The following PPIL2 variants were observed in gnomAD, a reference collection of about 807,000 sequenced individuals.
PPIL2 encodes the protein peptidylprolyl isomerase like 2.
PPIL2 carries 50 observed loss-of-function variants against 75.2 expected under a neutral mutation model. That is an observed-to-expected ratio of 0.66 (90% CI 0.53 to 0.84). The LOEUF is 0.84. Ranked by LOEUF, PPIL2 falls within the 40% of genes least tolerant of loss-of-function variation. The pLI, the probability that PPIL2 is intolerant of heterozygous loss-of-function variation, is 0.00. For missense variants in PPIL2, 590 were observed against 685.0 expected, an observed-to-expected ratio of 0.86 and a Z score of 1.55; for synonymous variants, 245 against 258.8, an observed-to-expected ratio of 0.95 and a Z score of 0.51.
chr22:21,687,096 G>C lies in PPIL2; in HGVS notation c.897+98G>C. On this transcript the variant is annotated intron_variant, in intron 12 of 19. Coordinates refer to ENST00000398831, the MANE Select transcript of PPIL2 (RefSeq NM_014337.4). ...ATAGGGCTGCCACTGGTATGTGCTT[G>C]TTGTAGGAAATTCAGCCTGTCACTA... is the stretch of plus-strand genomic sequence containing the variant. 4.2e-6 allele frequency: 5 copies of C among 1,183,566 alleles called. No individual in the cohort carries two copies. The South Asian group carries it at 6.2e-5, about 15-fold the overall frequency. The allele number at this position is 1,183,566 out of a possible 1,614,324, so 73.3% of individuals were successfully genotyped here. A position where few individuals can be genotyped will look rare whatever the true frequency, so the allele number is the denominator to read the frequency against.
chr22:21,684,321 G>A (rs575341886), intron 9 of PPIL2, among the ~76,000 whole-genome samples: 10 of 37,578 alleles, frequency 2.7e-4, no homozygotes, highest in African/African-American at 6.1e-4. Flanking sequence ...GCGTGGTGGC[G>A]GGCGCCTGTA....
chr22:21,682,384 C>T (rs536944917), intron 7 of PPIL2, 53 bp from the exon 8 acceptor site: 156 of 1,507,320 alleles, frequency 1.0e-4, no homozygotes, highest in Admixed American at 4.2e-4. Context: ...CTTGCAGTCC[C>T]CTGTGCCAAG....
rs370451201 is a variant in PPIL2, at chr22:21,687,657, C to T, written c.912C>T (p.Cys304=). ...CTATGTTGCAGACACCAAAAACCTG[C>T]GAAAACTTCATCAGGCTTTGCAAGA... ...ELHCDLTPKT[C]ENFIRLCKKH... Residue 304 remains cysteine (C), a synonymous_variant, in exon 13 of 20, where the codon TGC becomes TGT. Transcript: ENST00000398831. 4.4e-5 allele frequency: 70 copies of T among 1,608,802 alleles called. 1 individual carries two copies. The highest frequency in any genetic ancestry group is 3.3e-4 in the Middle Eastern group (2 of 6,056).
In PPIL2 at chr22:21,666,091, C is replaced by A. The variant is rs1438155920; in HGVS notation, c.-9C>A. 1 of 1,613,036 alleles carries A rather than the reference C, an allele frequency of 6.2e-7. No homozygotes were observed. Among genetic ancestry groups the A allele is most frequent in the Non-Finnish European group, 8.5e-7 (1 of 1,179,496 alleles). On this transcript the variant is annotated 5_prime_UTR_variant, in exon 1 of 20. Coordinates refer to ENST00000398831, the MANE Select transcript of PPIL2 (RefSeq NM_014337.4). ...TTTCGTGCTCGCTAGTCGCCGCCGC[C>A]GCTCCGCCATGGGGAAGCGACAGCA...
intron 5 of PPIL2, among the ~76,000 whole-genome samples, chr22:21,674,345 T>G (rs2066750104): frequency 1.3e-5 from 2 of 152,200 alleles, no homozygotes; most frequent in African/African-American, 4.8e-5. Context: ...CTGAAAACAT[T>G]ACCTGCCACC....
At chr22:21,694,503 C>A in intron 16 of PPIL2, 90 bp from the exon 17 acceptor site, 2 of 1,462,504 alleles carry the variant, frequency 1.4e-6, no homozygotes, top group South Asian at 1.2e-5. Context: ...CCTCGGGGCT[C>A]TCAACCCCTC....
At position 21,694,782 on chromosome 22, in the gene PPIL2, G is replaced by A. The variant is rs371596668; in HGVS notation, c.1297G>A (p.Val433Met). The A allele has an allele frequency of 1.7e-5, 27 of 1,608,364 alleles. No homozygotes were observed. Among genetic ancestry groups the A allele is most frequent in the Non-Finnish European group, 2.3e-5 (27 of 1,176,100 alleles). ...GGAGATCCGCATTGATGCCACTACA[G>A]TGTTCGTGGACCCCTATGAGGAGGC... The part of the protein sequence containing the change: ...KEEIRIDATT[V>M]FVDPYEEADA... The change falls in exon 18 of 20, where the codon GTG (valine) becomes ATG (methionine). Residue 433 changes from valine (V) to methionine (M), a missense_variant. Transcript: ENST00000398831.
At chr22:21,692,837 T>A (rs1325955779) in intron 15 of PPIL2, among the ~76,000 whole-genome samples, 1 of 150,214 alleles carries the variant, frequency 6.7e-6, no homozygotes, top group Non-Finnish European at 1.5e-5. Flanking sequence ...GAGGCAGGAC[T>A]ATGACATGAA....
At chr22:21,686,639 T>C in intron 11 of PPIL2, 81 bp downstream of exon 11, 2 of 1,414,116 alleles carry the variant, frequency 1.4e-6, no homozygotes, top group Non-Finnish European at 9.9e-7. Context: ...ACTCCCACTT[T>C]ATTGGTCTGT....
At chr22:21,692,682 T>C (rs940914332) in intron 15 of PPIL2, among the ~76,000 whole-genome samples, 2 of 151,520 alleles carry the variant, frequency 1.3e-5, no homozygotes, top group Non-Finnish European at 2.9e-5. Context: ...TCCCAGCACT[T>C]TGGGAGGCCA....
At chr22:21,674,922 AGG>A (rs535233187) in intron 5 of PPIL2, 140 bp from the exon 6 acceptor site, 7 of 692,484 alleles carry the variant, frequency 1.0e-5, no homozygotes, top group Non-Finnish European at 1.2e-5. Context: ...AGGTCCTTGC[AGG>A]GTCTTGGGGC....
At position 21,697,129 on chromosome 22, in the gene PPIL2, C is replaced by T; in HGVS notation, c.*1639C>T. ...TGTCCTCCGCAAGGCCTGGTGCAGC[C>T]CTGGCAGTAACTGGCTTGTAAGAGG... On this transcript the variant is annotated 3_prime_UTR_variant, in exon 20 of 20. Transcript: ENST00000398831. 1 of 872,452 alleles carries T rather than the reference C, an allele frequency of 1.1e-6. No homozygotes were observed. Among genetic ancestry groups the T allele is most frequent in the Non-Finnish European group, 1.7e-6 (1 of 580,702 alleles). 54.0% of individuals were successfully genotyped at this position (872,452 alleles called of 1,614,324 possible). A position where few individuals can be genotyped will look rare whatever the true frequency, so the allele number is the denominator to read the frequency against.
rs779053423 is a variant in PPIL2 at position 21,687,013 on chromosome 22, C to A, written c.897+15C>A. ...ACTGCGACCTGGTGGGTGTGGAGGC[C>A]AGCCACTCCCCATGCCCCAAGGTCA... On this transcript the variant is annotated intron_variant, in intron 12 of 19. Transcript: ENST00000398831. 6.2e-7 allele frequency: 1 copy of A among 1,607,940 alleles called. No individual in the cohort carries two copies. The highest frequency in any genetic ancestry group is 1.1e-5 in the South Asian group (1 of 90,966).
chr22:21,691,067 C>G (rs899310910), intron 15 of PPIL2, among the ~76,000 whole-genome samples: 3 of 144,084 alleles, frequency 2.1e-5, no homozygotes, highest in Non-Finnish European at 4.5e-5. Flanking sequence ...TGGGTTCAAG[C>G]GGTTCTCCTG....
chr22:21,693,368 C>A (rs1258452883), intron 15 of PPIL2, among the ~76,000 whole-genome samples: 3 of 152,188 alleles, frequency 2.0e-5, no homozygotes. Flanking sequence ...TTTTCTTAGT[C>A]CATGTTTATT....
Position 21,670,889 on chromosome 22 carries a change from G to A in PPIL2, c.129-108G>A. On this transcript the variant is annotated intron_variant, in intron 3 of 19. Coordinates refer to ENST00000398831, the MANE Select transcript of PPIL2 (RefSeq NM_014337.4). ...GAGGGAGGTGGCCAGGCTGCCCAGA[G>A]AGGGCTCCCTGGGACAGCATTTCAG... 3 of 1,146,266 alleles carry A rather than the reference G, an allele frequency of 2.6e-6. No homozygotes were observed. In the South Asian group the frequency reaches 3.7e-5, roughly 14 times the overall value. 71.0% of individuals were successfully genotyped at this position (1,146,266 alleles called of 1,614,324 possible).
chr22:21,692,039 C>T (rs532011669), intron 15 of PPIL2, among the ~76,000 whole-genome samples: 9 of 148,856 alleles, frequency 6.0e-5, no homozygotes, highest in South Asian at 2.2e-4. Flanking sequence ...CCGCCAGCGC[C>T]GGGACCCACC....
chr22:21,684,643 C>A, intron 9 of PPIL2, 110 bp from the exon 10 acceptor site: 1 of 1,367,392 alleles, frequency 7.3e-7, no homozygotes. Context: ...TGGCACGGTG[C>A]CTGCGCCATG....
intron 6 of PPIL2, among the ~76,000 whole-genome samples, chr22:21,680,006 C>T (rs371324521): frequency 5.9e-5 from 9 of 151,314 alleles, no homozygotes; most frequent in South Asian, 2.1e-4. Context: ...AGGAGAATGG[C>T]GTGAACCCGG....
Sources: gnomAD v4.1 joint callset for allele counts (sites outside exome capture counted in the v4.1 genomes callset) on GRCh38, gnomAD v4.1.1 for gene constraint, MANE v1.5 for transcripts, NCBI Gene and HGNC (gene_info 2026-07-23, HGNC 2026-07-21) for gene names.